NDEL1: variants seen among roughly 807,000 people sequenced by gnomAD.
The protein encoded by NDEL1 is nudE neurodevelopment protein 1 like 1, also known as nuclear distribution protein nudE-like 1.
A neutral mutation model predicts 45.7 loss-of-function variants in NDEL1; 9 were observed. The ratio of observed to expected loss-of-function variants is 0.20; its 90% CI spans 0.12 to 0.34. NDEL1 has a LOEUF of 0.34. NDEL1 is among the 10% of genes least tolerant of loss of function. The pLI is 1.00. For missense variants in NDEL1, 306 were observed against 406.2 expected (o/e 0.75, Z 2.12); for synonymous variants, 133 against 158.6 (o/e 0.84, Z 1.21).
chr17:8,471,983 G>GA (rs1911843734), downstream of NDEL1, among the ~76,000 whole-genome samples: 1 of 152,168 alleles, frequency 6.6e-6, no homozygotes, highest in South Asian at 2.1e-4. Flanking sequence ...CGCAAGGGGA[G>GA]ACCTGCCTGG....
chr17:8,452,332 G>A (rs1910557734), intron 6 of NDEL1, among the ~76,000 whole-genome samples: 1 of 152,216 alleles, frequency 6.6e-6, no homozygotes, highest in Non-Finnish European at 1.5e-5. Context: ...GACACCCACA[G>A]GTGGTGCACA....
intron 3 of NDEL1, among the ~76,000 whole-genome samples, chr17:8,473,804 A>G (rs1265804915): frequency 6.6e-6 from 1 of 152,194 alleles, no homozygotes; most frequent in Non-Finnish European, 1.5e-5. Flanking sequence ...CGCACTAGAG[A>G]GGCTGCCCTT....
chr17:8,439,175 C>T (rs747654414), intron 1 of NDEL1, among the ~76,000 whole-genome samples: 30 of 150,764 alleles, frequency 2.0e-4, no homozygotes, highest in Non-Finnish European at 4.3e-4. Context: ...CTCCTGACCT[C>T]GTGATCCGCC....
chr17:8,435,046 G>C (rs1044991895), upstream of NDEL1, among the ~76,000 whole-genome samples: 3 of 151,918 alleles, frequency 2.0e-5, no homozygotes, highest in Non-Finnish European at 2.9e-5. Flanking sequence ...CTCCAGCCTG[G>C]GCAACAAGAG....
chr17:8,463,282 C>T (rs146285889), intron 8 of NDEL1: 37 of 1,547,034 alleles, frequency 2.4e-5, no homozygotes, highest in South Asian at 5.6e-5. Context: ...AAATAGTATT[C>T]GTATTACTGT....
intron 6 of NDEL1, among the ~76,000 whole-genome samples, chr17:8,453,005 C>T (rs1910619119): frequency 6.6e-6 from 1 of 152,164 alleles, no homozygotes; most frequent in Non-Finnish European, 1.5e-5. Flanking sequence ...TCCCAAAGTG[C>T]TGAGAGTACA....
chr17:8,431,531 C>A (rs1199105551), upstream of NDEL1, among the ~76,000 whole-genome samples: 2 of 152,202 alleles, frequency 1.3e-5, no homozygotes, highest in Non-Finnish European at 2.9e-5. Flanking sequence ...ATTGCTAATA[C>A]TCCCCCTTCT....
chr17:8,444,193 G>C (rs1351754417), intron 1 of NDEL1, 67 bp from the exon 2 acceptor site: 2 of 1,029,002 alleles, frequency 1.9e-6, no homozygotes, highest in African/African-American at 1.6e-5. Flanking sequence ...TGTTGTCCCA[G>C]ATTTTATGCT....
chr17:8,466,643 A>T, intron 8 of NDEL1: 1 of 403,218 alleles, frequency 2.5e-6, no homozygotes, highest in Non-Finnish European at 4.4e-6. Context: ...ATTGCCAGGC[A>T]TTTAGACCTG....
At chr17:8,463,149 TC>T (rs1453282069) in intron 8 of NDEL1, 1 of 518,740 alleles carries the variant, frequency 1.9e-6, no homozygotes. Context: ...TCAAAAACAC[TC>T]TTTTTTTTCC....
intron 6 of NDEL1, among the ~76,000 whole-genome samples, chr17:8,453,390 C>G (rs1008935414): frequency 1.6e-4 from 25 of 152,294 alleles, no homozygotes; most frequent in African/African-American, 5.8e-4. Flanking sequence ...GTACTTACTA[C>G]GTGCATTTTT....
chr17:8,424,554 C>T (rs180908760), intron 1 of NDEL1, among the ~76,000 whole-genome samples: 368 of 152,280 alleles, frequency 2.4e-3, no homozygotes, highest in African/African-American at 8.1e-3. Context: ...CAGGCTGGAG[C>T]GCAGTGGCGC....
intron 8 of NDEL1, chr17:8,463,167 T>A: frequency 1.8e-6 from 1 of 558,114 alleles, no homozygotes; most frequent in Non-Finnish European, 3.2e-6. Flanking sequence ...TTCCCATAAC[T>A]TTATGTAGTT....
intron 1 of NDEL1, among the ~76,000 whole-genome samples, chr17:8,440,061 GT>G (rs1018879468): frequency 1.1e-4 from 17 of 152,236 alleles, no homozygotes; most frequent in Middle Eastern, 6.8e-3. Context: ...TTGGTTAAAT[GT>G]TTTAAATTGT....
Position 8,467,088 on chromosome 17 carries a change from C to G in NDEL1, c.*65C>G. 5 of 1,519,294 alleles carry G rather than the reference C, an allele frequency of 3.3e-6. No homozygotes were observed. 94.1% of individuals were successfully genotyped at this position (1,519,294 alleles called of 1,614,324 possible). A position where few individuals can be genotyped will look rare whatever the true frequency, so the allele number is the denominator to read the frequency against. On this transcript the variant is annotated 3_prime_UTR_variant, in exon 9 of 9. Transcript: ENST00000334527. The surrounding 1 kb of genome is among the most constrained non-coding windows in gnomAD (Gnocchi z 6.3). Reference sequence around the variant, plus strand: ...CAACCCAGGACACCCACGCCTCACCCCTCGGTGCCTGGGCCCAGCCCCGTG... The same window carrying G: ...CAACCCAGGACACCCACGCCTCACCGCTCGGTGCCTGGGCCCAGCCCCGTG...
chr17:8,439,941 G>C, intron 1 of NDEL1, among the ~76,000 whole-genome samples: 1 of 152,214 alleles, frequency 6.6e-6, no homozygotes, highest in East Asian at 1.9e-4. Context: ...GTAGTGAGTA[G>C]ATGCATCAGT....
intron 7 of NDEL1, among the ~76,000 whole-genome samples, chr17:8,457,177 A>G (rs1910899204): frequency 6.6e-6 from 1 of 152,202 alleles, no homozygotes. Flanking sequence ...TGAGTAGAAG[A>G]AACCTACACC....
At chr17:8,447,986 G>A (rs1046522746) in intron 4 of NDEL1, among the ~76,000 whole-genome samples, 2 of 151,248 alleles carry the variant, frequency 1.3e-5, no homozygotes, top group African/African-American at 4.9e-5. Context: ...GGTGGGCGGG[G>A]GGGGGGCAGT....
intron 1 of NDEL1, among the ~76,000 whole-genome samples, chr17:8,430,619 A>G (rs1908977196): frequency 6.6e-6 from 1 of 152,190 alleles, no homozygotes; most frequent in Non-Finnish European, 1.5e-5. Context: ...GCATGCTCTC[A>G]GGGACTGTGA....
Sources: gnomAD v4.1 joint callset for allele counts (sites outside exome capture counted in the v4.1 genomes callset) on GRCh38, gnomAD v4.1.1 for gene constraint, Gnocchi (gnomAD v3.1) non-coding constraint, MANE v1.5 for transcripts, NCBI Gene and HGNC (gene_info 2026-07-23, HGNC 2026-07-21) for gene names.